Variants in ANOS1 observed in about 807,000 individuals in gnomAD.
The protein encoded by ANOS1 is anosmin-1.
ANOS1 carries 6 observed loss-of-function variants against 59.0 expected under a neutral mutation model. That is an observed-to-expected ratio of 0.10 (90% CI 0.06 to 0.20). The LOEUF is 0.20. ANOS1 is among the 10% of genes least tolerant of loss of function. ANOS1 has a pLI of 1.00. For synonymous variants in ANOS1, 217 were observed against 223.4 expected (o/e 0.97, Z 0.25); for missense variants, 433 against 542.3 (o/e 0.80, Z 2.00).
chrX:8,585,078 A>G (rs1332833899), intron 6 of ANOS1, among the ~76,000 whole-genome samples, 189 bp downstream of exon 6: 1 of 112,088 alleles, frequency 8.9e-6, no homozygotes, highest in African/African-American at 3.2e-5. Flanking sequence ...ACTGCAGGTA[A>G]AATTCCAATT....
chrX:8,636,079 A>C (rs1355437610), intron 2 of ANOS1, among the ~76,000 whole-genome samples: 2 of 112,003 alleles, frequency 1.8e-5, no homozygotes, highest in African/African-American at 3.2e-5. Context: ...TTAAAAAAAA[A>C]ACTGTGACAA....
chrX:8,611,113 G>T (rs1931049295), intron 3 of ANOS1, among the ~76,000 whole-genome samples: 1 of 110,812 alleles, frequency 9.0e-6, no homozygotes, highest in Admixed American at 9.7e-5. Context: ...GGGAGGACAG[G>T]AATGAAAGCT....
At chrX:8,556,982 A>C (rs7052194) in intron 8 of ANOS1, among the ~76,000 whole-genome samples, 4,407 of 111,621 alleles carry the variant, frequency 0.039, 224 homozygotes, top group African/African-American at 0.14. Flanking sequence ...AAACAGATAT[A>C]TAGACCAATG....
intron 2 of ANOS1, among the ~76,000 whole-genome samples, chrX:8,672,866 A>G (rs1255747559): frequency 2.7e-5 from 3 of 111,880 alleles, no homozygotes; most frequent in Admixed American, 9.5e-5. Context: ...GAAAGCATTA[A>G]CAATTAAGAA....
At position 8,532,927 on chromosome X, in the gene ANOS1, C is replaced by A. The variant is rs1253730724; in HGVS notation, c.*68G>T. On this transcript the variant is annotated 3_prime_UTR_variant, in exon 14 of 14. Coordinates refer to ENST00000262648, the MANE Select transcript of ANOS1 (RefSeq NM_000216.4). ...AGTTCCCACTGCCTCTGGAAGTGTG[C>A]ATGTCTCGTGGCCGAAGTTCAACAA... 1 of 667,378 alleles carries A rather than the reference C, an allele frequency of 1.5e-6. No individual in the cohort carries two copies. The highest frequency in any genetic ancestry group is 2.1e-5 in the African/African-American group (1 of 46,629). 55.0% of individuals were successfully genotyped at this position (667,378 alleles called of 1,213,427 possible).
intron 2 of ANOS1, among the ~76,000 whole-genome samples, chrX:8,666,552 C>T (rs1932140774): frequency 8.9e-6 from 1 of 111,833 alleles, no homozygotes; most frequent in South Asian, 3.7e-4. Context: ...CCCGTTGTAA[C>T]TTTCAATGTG....
At chrX:8,664,383 C>T (rs980718067) in intron 2 of ANOS1, among the ~76,000 whole-genome samples, 36 of 110,171 alleles carry the variant, frequency 3.3e-4, no homozygotes, top group Non-Finnish European at 5.3e-4. Context: ...TTAGTAGAGA[C>T]GGGGTTTCAC....
intron 2 of ANOS1, among the ~76,000 whole-genome samples, chrX:8,668,398 T>G: frequency 1.9e-5 from 1 of 52,438 alleles, no homozygotes; most frequent in Admixed American, 2.7e-4. Flanking sequence ...TTCCATCATA[T>G]ATATATATAT....
chrX:8,595,493 T>C (rs190748550), intron 4 of ANOS1, among the ~76,000 whole-genome samples: 22 of 111,523 alleles, frequency 2.0e-4, no homozygotes, highest in African/African-American at 7.2e-4. Context: ...AAGTGGGAGC[T>C]AAAGGAAGAT....
intron 2 of ANOS1, among the ~76,000 whole-genome samples, chrX:8,654,752 C>T (rs1353026656): frequency 1.8e-5 from 2 of 112,103 alleles, no homozygotes; most frequent in African/African-American, 3.2e-5. Flanking sequence ...GGCCGGGTGT[C>T]TCATTCAAAG....
intron 9 of ANOS1, among the ~76,000 whole-genome samples, chrX:8,551,593 T>G (rs1601950481): frequency 1.0e-5 from 1 of 97,986 alleles, no homozygotes. Context: ...GCAACAAGAG[T>G]GAAACTCCAT....
chrX:8,534,372 G>C lies in ANOS1; in HGVS notation c.1931C>G (p.Pro644Arg). The C allele has an allele frequency of 1.7e-6, 2 of 1,211,002 alleles. No homozygotes were observed. The highest frequency in any genetic ancestry group is 3.0e-5 in the East Asian group (1 of 33,809). ...VQVLTPGGEG[P>R]ATIKTFRTPE... Reference sequence around the variant, plus strand: ...CGTCCGGAACGTCTTGATGGTGGCCGGCCCCTCCCCTCCTGGGGTCAGCAC... The same window carrying C: ...CGTCCGGAACGTCTTGATGGTGGCCCGCCCCTCCCCTCCTGGGGTCAGCAC... The change falls in exon 13 of 14, where the codon CCG becomes CGG. Residue 644 changes from proline (P) to arginine (R), a missense_variant. Physicochemically the swap from Pro to Arg is moderately radical, Grantham distance 103. Transcript: ENST00000262648.
chrX:8,626,434 T>G (rs1358306287), intron 2 of ANOS1, among the ~76,000 whole-genome samples: 1 of 111,860 alleles, frequency 8.9e-6, no homozygotes, highest in Non-Finnish European at 1.9e-5. Context: ...AATAATTCTT[T>G]TCTAAGACAT....
chrX:8,660,766 G>A, intron 2 of ANOS1, among the ~76,000 whole-genome samples: 1 of 111,848 alleles, frequency 8.9e-6, no homozygotes, highest in Non-Finnish European at 1.9e-5. Flanking sequence ...GCATGTCTTT[G>A]ATATATATTT....
chrX:8,605,719 A>G (rs1390517156), intron 3 of ANOS1, among the ~76,000 whole-genome samples: 1 of 110,718 alleles, frequency 9.0e-6, no homozygotes, highest in Non-Finnish European at 1.9e-5. Flanking sequence ...ATAGAAAAAA[A>G]TTATAAATCA....
chrX:8,612,689 A>G (rs192600137), intron 3 of ANOS1, among the ~76,000 whole-genome samples: 1 of 110,681 alleles, frequency 9.0e-6, no homozygotes, highest in East Asian at 2.8e-4. Context: ...ACAGACATCA[A>G]AATGCTAACG....
At position 8,592,644 on chromosome X, in the gene ANOS1, C is replaced by T. The variant is rs561896977; in HGVS notation, c.541+4390G>A. Among the ~76,000 whole-genome samples the T allele has an allele frequency of 1.5e-3, 172 of 111,029 alleles. No homozygotes were observed. The South Asian group carries it at 0.019, about 12-fold the overall frequency. ...TTGTCTCACCAAGCCATAAAATAGA[C>T]TTAGAGAGGAAATAGAAATAGAAAG... On this transcript the variant is annotated intron_variant, in intron 4 of 13. Coordinates refer to ENST00000262648, the MANE Select transcript of ANOS1 (RefSeq NM_000216.4).
chrX:8,593,237 G>A (rs1401088478), intron 4 of ANOS1, among the ~76,000 whole-genome samples: 1 of 111,615 alleles, frequency 9.0e-6, no homozygotes, highest in Non-Finnish European at 1.9e-5. Flanking sequence ...GACCATGTGG[G>A]GGGTTAGTGT....
chrX:8,639,148 T>C (rs1931619021), intron 2 of ANOS1, among the ~76,000 whole-genome samples: 1 of 111,468 alleles, frequency 9.0e-6, no homozygotes, highest in Non-Finnish European at 1.9e-5. Flanking sequence ...AAGAACATCA[T>C]TTTTATAACA....
Sources: gnomAD v4.1 joint callset for allele counts (sites outside exome capture counted in the v4.1 genomes callset) on GRCh38, gnomAD v4.1.1 for gene constraint, MANE v1.5 for transcripts, NCBI Gene and HGNC (gene_info 2026-07-23, HGNC 2026-07-21) for gene names.